Variants in CC2D2A observed in about 807,000 individuals in gnomAD.
The protein encoded by CC2D2A is coiled-coil and C2 domain containing 2A, also known as coiled-coil and C2 domain-containing protein 2A.
Under a neutral mutation model 212.9 loss-of-function variants are expected in CC2D2A, and 155 were observed. The ratio of observed to expected loss-of-function variants is 0.73; its 90% CI spans 0.64 to 0.83. The LOEUF is 0.83. Ranked by LOEUF, CC2D2A falls within the 40% of genes least tolerant of loss-of-function variation. The pLI, the probability that CC2D2A is intolerant of heterozygous loss-of-function variation, is 0.00. For missense variants in CC2D2A, 1,856 were observed against 1,956.2 expected, an observed-to-expected ratio of 0.95 and a Z score of 0.97; for synonymous variants, 667 against 686.5, an observed-to-expected ratio of 0.97 and a Z score of 0.44.
In CC2D2A at chr4:15,569,394, G is replaced by A. The variant is rs1470745200; in HGVS notation, c.3495+5G>A. 15 of 1,523,316 alleles carry A rather than the reference G, an allele frequency of 9.8e-6. No individual in the cohort carries two copies. Among genetic ancestry groups the A allele is most frequent in the Non-Finnish European group, 1.3e-5 (15 of 1,116,090 alleles). 94.4% of individuals were successfully genotyped at this position (1,523,316 alleles called of 1,614,324 possible). A position where few individuals can be genotyped will look rare whatever the true frequency, so the allele number is the denominator to read the frequency against. ...GTACTGCATGATGTCTTAGAGGTAA[G>A]TTCTCAGTTTTAAGAAAGACACTTG... On this transcript the variant is annotated splice_donor_5th_base_variant and intron_variant, in intron 27 of 36. Coordinates refer to ENST00000424120, the MANE Select transcript of CC2D2A (RefSeq NM_001378615.1).
At chr4:15,527,375 T>A (rs1717562089) in intron 11 of CC2D2A, 72 bp from the exon 12 acceptor site, 2 of 1,130,456 alleles carry the variant, frequency 1.8e-6, no homozygotes, top group Admixed American at 4.1e-5. Flanking sequence ...CGTTTTCCCA[T>A]TGTGGATTAG....
intron 33 of CC2D2A, among the ~76,000 whole-genome samples, chr4:15,594,533 T>G (rs1345793560): frequency 6.6e-6 from 1 of 151,968 alleles, no homozygotes; most frequent in Non-Finnish European, 1.5e-5. Flanking sequence ...TGGGATGCAG[T>G]GCAATGACAA....
At chr4:15,506,914 A>C (rs1479980789) in intron 6 of CC2D2A, among the ~76,000 whole-genome samples, 1 of 151,656 alleles carries the variant, frequency 6.6e-6, no homozygotes, top group East Asian at 1.9e-4. Context: ...TCTACTAAAA[A>C]TACAAAAAAA....
At position 15,474,050 on chromosome 4, in the gene CC2D2A, A is replaced by C. The variant is rs568012845; in HGVS notation, c.-18-1865A>C. On this transcript the variant is annotated intron_variant, in intron 1 of 36. Coordinates refer to ENST00000424120, the MANE Select transcript of CC2D2A (RefSeq NM_001378615.1). ...GGATGTAAATTTGGGAAGTATCAGC[A>C]TGCAGATGGTATTTAAAACCAAGAG... 2.6e-5 allele frequency among the ~76,000 whole-genome samples: 4 copies of C among 152,342 alleles called. No individual in the cohort carries two copies. The South Asian group carries it at 8.3e-4, about 32-fold the overall frequency.
intron 11 of CC2D2A, among the ~76,000 whole-genome samples, chr4:15,517,115 T>G (rs1348936693): frequency 6.6e-6 from 1 of 151,852 alleles, no homozygotes; most frequent in East Asian, 1.9e-4. Context: ...GCCCGGCTAA[T>G]TTTTTGTATT....
At chr4:15,580,483 C>T (rs1381443010) in intron 30 of CC2D2A, among the ~76,000 whole-genome samples, 1 of 151,846 alleles carries the variant, frequency 6.6e-6, no homozygotes, top group East Asian at 1.9e-4. Flanking sequence ...ACTGGAAATA[C>T]AAAAATTAGC....
chr4:15,516,132 CA>C (rs1425605017), intron 10 of CC2D2A, 128 bp downstream of exon 10: 5 of 926,300 alleles, frequency 5.4e-6, no homozygotes, highest in East Asian at 3.1e-5. Flanking sequence ...GAAAGTGGTT[CA>C]TTTTTTTTTT....
intron 33 of CC2D2A, among the ~76,000 whole-genome samples, chr4:15,593,031 G>A (rs1295228622): frequency 6.6e-6 from 1 of 152,158 alleles, no homozygotes; most frequent in African/African-American, 2.4e-5. Context: ...CCCAGGTCAT[G>A]CCATTATTGT....
chr4:15,567,786 G>T lies in CC2D2A; in HGVS notation c.3398G>T (p.Arg1133Met). 1 of 1,577,256 alleles carries T rather than the reference G, an allele frequency of 6.3e-7. No individual in the cohort carries two copies. Among genetic ancestry groups the T allele is most frequent in the Non-Finnish European group, 8.6e-7 (1 of 1,163,470 alleles). The change falls in exon 26 of 37, where the codon AGG becomes ATG. Residue 1133 changes from arginine to methionine, a missense_variant and splice_region_variant. Coordinates refer to ENST00000424120, the MANE Select transcript of CC2D2A (RefSeq NM_001378615.1). ...AATGAAGAACTAGAACTTCCATTTA[G>T]GTAAGCATATTTTCCTCTTTAAAGA... ...SWNEELELPF[R>M]APNGDYSTAS...
At position 15,596,162 on chromosome 4, in the gene CC2D2A, T is replaced by C. The variant is rs1418231681; in HGVS notation, c.4392T>C (p.Ser1464=). 6.5e-7 allele frequency: 1 copy of C among 1,549,666 alleles called. No individual in the cohort carries two copies. The highest frequency in any genetic ancestry group is 8.7e-7 in the Non-Finnish European group (1 of 1,146,064). Residue 1464 remains serine, a synonymous_variant, in exon 34 of 37, where the codon TCT becomes TCC. Transcript: ENST00000424120. ...FDVTRPKLWK[S]FFSRSLPYPG... is the part of the protein sequence containing the mutation. ...TCACCAGGCCCAAGCTATGGAAATC[T>C]TTCTTTTCAAGAAGCCTTCCATATC... is the stretch of plus-strand genomic sequence containing the variant.
chr4:15,601,508 A>G lies in CC2D2A; in HGVS notation c.*83A>G. On this transcript the variant is annotated 3_prime_UTR_variant, in exon 37 of 37. Transcript: ENST00000424120. ...TTTAAATTATATGCATCACATCAGA[A>G]GAACATATTATTGGCAAATAATAAA... The G allele has an allele frequency of 2.5e-6, 2 of 798,660 alleles. No individual in the cohort carries two copies. Among genetic ancestry groups the G allele is most frequent in the Non-Finnish European group, 1.9e-6 (1 of 535,124 alleles). 49.5% of individuals were successfully genotyped at this position (798,660 alleles called of 1,614,324 possible). A position where few individuals can be genotyped will look rare whatever the true frequency, so the allele number is the denominator to read the frequency against.
At chr4:15,503,024 T>A in intron 6 of CC2D2A, 101 bp downstream of exon 6, 1 of 791,286 alleles carries the variant, frequency 1.3e-6, no homozygotes, top group Non-Finnish European at 2.0e-6. Context: ...GAGGAGGTAT[T>A]AAATGCTTAT....
intron 4 of CC2D2A, chr4:15,482,279 T>C: frequency 1.0e-6 from 1 of 983,906 alleles, no homozygotes; most frequent in Non-Finnish European, 1.2e-6. Context: ...TATGGCTGTT[T>C]CTTTTTCTAA....
chr4:15,514,636 G>A, intron 8 of CC2D2A, 71 bp from the exon 9 acceptor site: 1 of 1,172,828 alleles, frequency 8.5e-7, no homozygotes, highest in Non-Finnish European at 1.2e-6. Context: ...CATGAGTTTG[G>A]TATTGTGAAT....
chr4:15,475,891 G>T, intron 1 of CC2D2A, 24 bp from the exon 2 acceptor site: 1 of 1,539,884 alleles, frequency 6.5e-7, no homozygotes, highest in South Asian at 1.2e-5. Flanking sequence ...CAAAATGCCT[G>T]ACTTCTTCAT....
intron 35 of CC2D2A, among the ~76,000 whole-genome samples, chr4:15,598,814 A>G (rs1721442874): frequency 6.6e-6 from 1 of 152,188 alleles, no homozygotes; most frequent in South Asian, 2.1e-4. Context: ...CCTGTGTCTA[A>G]TTCATCTGTC....
chr4:15,512,941 G>A (rs1419603804), intron 8 of CC2D2A, among the ~76,000 whole-genome samples: 7 of 137,776 alleles, frequency 5.1e-5, no homozygotes, highest in African/African-American at 2.0e-4. Context: ...GACAAAGCAA[G>A]ACTCTGTCTC....
At chr4:15,541,988 T>C (rs1463237092) in intron 17 of CC2D2A, among the ~76,000 whole-genome samples, 2 of 152,098 alleles carry the variant, frequency 1.3e-5, no homozygotes, top group Non-Finnish European at 2.9e-5. Context: ...CAGCTCCTCC[T>C]GGCACTTAGA....
At chr4:15,518,645 C>T (rs1315671483) in intron 11 of CC2D2A, among the ~76,000 whole-genome samples, 1 of 152,246 alleles carries the variant, frequency 6.6e-6, no homozygotes, top group Non-Finnish European at 1.5e-5. Context: ...TCTGCCTGGG[C>T]ATCCAGACAT....
Sources: gnomAD v4.1 joint callset for allele counts (sites outside exome capture counted in the v4.1 genomes callset) on GRCh38, gnomAD v4.1.1 for gene constraint, MANE v1.5 for transcripts, NCBI Gene and HGNC (gene_info 2026-07-23, HGNC 2026-07-21) for gene names.